TRPC3: variants seen among roughly 807,000 people sequenced by gnomAD.
TRPC3 encodes transient receptor potential cation channel subfamily C member 3, also known as short transient receptor potential channel 3.
In TRPC3, 54 loss-of-function variants were observed where a neutral mutation model predicts 90.9. The observed-to-expected ratio is 0.59, with a 90% confidence interval of 0.48 to 0.75. The LOEUF is 0.75. TRPC3 is among the 30% of genes least tolerant of loss of function. TRPC3 has a pLI of 0.00. For synonymous variants in TRPC3, 424 were observed against 450.9 expected (o/e 0.94, Z 0.75); for missense variants, 918 against 1,194.5 (o/e 0.77, Z 3.41).
chr4:121,879,620 C>T lies in TRPC3; in HGVS notation c.*116G>A. ...TTAAGAGCTAACTTTTAAAGGTTCA[C>T]ATGATAAAGGTAGTTAATACTAAAA... is the stretch of plus-strand genomic sequence containing the variant. On this transcript the variant is annotated 3_prime_UTR_variant, in exon 12 of 12. Transcript: ENST00000379645. 8.9e-7 allele frequency: 1 copy of T among 1,120,456 alleles called. No homozygotes were observed. The highest frequency in any genetic ancestry group is 1.6e-5 in the South Asian group (1 of 63,890). The allele number at this position is 1,120,456 out of a possible 1,614,324, so 69.4% of individuals were successfully genotyped here.
At chr4:121,889,299 C>T (rs1728237553) in intron 10 of TRPC3, among the ~76,000 whole-genome samples, 2 of 152,124 alleles carry the variant, frequency 1.3e-5, no homozygotes, top group South Asian at 2.1e-4. Flanking sequence ...AATGGGATTA[C>T]ATCAAGCATA....
At chr4:121,909,250 C>T (rs142676198) in intron 6 of TRPC3, among the ~76,000 whole-genome samples, 178 of 152,112 alleles carry the variant, frequency 1.2e-3, no homozygotes, top group African/African-American at 4.1e-3. Context: ...TATTTTGGAG[C>T]GGAAGTCCAG....
At chr4:121,948,769 T>G (rs1158387043) in intron 1 of TRPC3, among the ~76,000 whole-genome samples, 1 of 152,160 alleles carries the variant, frequency 6.6e-6, no homozygotes, top group Non-Finnish European at 1.5e-5. Flanking sequence ...CCCATAAAGG[T>G]TTCCTTGATT....
In TRPC3 at chr4:121,951,633, G is replaced by A. The variant is rs1429261607; in HGVS notation, c.48C>T (p.Phe16=). Residue 16 remains phenylalanine, a synonymous_variant, in exon 1 of 12, where the codon TTC becomes TTT. Transcript: ENST00000379645. This position sits in a 1 kb window ranked among gnomAD's most constrained non-coding sequence, Gnocchi z 4.4. ...RKCKEQARVT[F]PAPEEEEDEG... ...CGTCTTCCTCCTCCTCCGGCGCCGG[G>A]AAGGTCACCCTTGCTTGTTCTTTGC... The A allele has an allele frequency of 6.3e-6, 9 of 1,427,756 alleles. No homozygotes were observed. Among genetic ancestry groups the A allele is most frequent in the Non-Finnish European group, 8.3e-6 (9 of 1,082,570 alleles). The allele number at this position is 1,427,756 out of a possible 1,614,324, so 88.4% of individuals were successfully genotyped here.
At chr4:121,912,541 G>A (rs1436323914) in intron 4 of TRPC3, among the ~76,000 whole-genome samples, 1 of 152,028 alleles carries the variant, frequency 6.6e-6, no homozygotes, top group African/African-American at 2.4e-5. Context: ...ACCCTTTGAA[G>A]ATTAAAAAAA....
chr4:121,889,438 G>C (rs910186256), intron 10 of TRPC3, among the ~76,000 whole-genome samples: 1 of 152,114 alleles, frequency 6.6e-6, no homozygotes, highest in African/African-American at 2.4e-5. Context: ...TTTGTCAAAA[G>C]AAGACATACA....
At chr4:121,925,674 A>G in intron 2 of TRPC3, among the ~76,000 whole-genome samples, 1 of 152,208 alleles carries the variant, frequency 6.6e-6, no homozygotes, top group Non-Finnish European at 1.5e-5. Flanking sequence ...TTCAAAATTG[A>G]TGAGTAAATT....
chr4:121,897,386 T>C (rs1560691144), intron 10 of TRPC3, among the ~76,000 whole-genome samples: 3 of 135,770 alleles, frequency 2.2e-5, no homozygotes. Context: ...GAGAAAATAT[T>C]TGCAAATTGC....
rs145574081 is a variant in TRPC3 at position 121,901,720 on chromosome 4, C to T, written c.2463+1132G>A. On this transcript the variant is annotated intron_variant, in intron 9 of 11. Transcript: ENST00000379645. ...GTCTACAATTCGTGGACAATTAAGGCTCAGAGTAGTGAAGTGATTTATCCA... is the reference window on the plus strand; with the variant it reads ...GTCTACAATTCGTGGACAATTAAGGTTCAGAGTAGTGAAGTGATTTATCCA... Among the ~76,000 whole-genome samples the T allele has an allele frequency of 5.3e-5, 8 of 152,280 alleles. No homozygotes were observed. In the East Asian group the frequency reaches 1.5e-3, roughly 29 times the overall value.
At chr4:121,944,488 T>G (rs1450521902) in intron 1 of TRPC3, among the ~76,000 whole-genome samples, 1 of 146,140 alleles carries the variant, frequency 6.8e-6, no homozygotes, top group East Asian at 1.9e-4. Context: ...TAATAACAAC[T>G]TTAAGAGAAA....
At chr4:121,933,090 C>G in intron 1 of TRPC3, 48 bp from the exon 2 acceptor site, 1 of 1,513,688 alleles carries the variant, frequency 6.6e-7, no homozygotes, top group Admixed American at 2.2e-5. Flanking sequence ...AGGGCACATT[C>G]CTTCCTTTCA....
At chr4:121,945,147 T>C (rs982387761) in intron 1 of TRPC3, among the ~76,000 whole-genome samples, 1 of 152,210 alleles carries the variant, frequency 6.6e-6, no homozygotes. Context: ...ACAGTGTAAG[T>C]TACTATCTAC....
chr4:121,898,218 G>C (rs1029217415), intron 10 of TRPC3, among the ~76,000 whole-genome samples: 2 of 152,074 alleles, frequency 1.3e-5, no homozygotes, highest in Non-Finnish European at 2.9e-5. Context: ...ATTACCGCTA[G>C]ATAGGAGGAA....
intron 10 of TRPC3, among the ~76,000 whole-genome samples, chr4:121,897,798 C>T (rs529289892): frequency 2.4e-4 from 36 of 152,180 alleles, no homozygotes; most frequent in South Asian, 4.1e-4. Flanking sequence ...AACCCCACTA[C>T]GGGAATTTAT....
rs186390029 is a variant in TRPC3, at chr4:121,926,532, G to A, written c.988-1326C>T. Among the ~76,000 whole-genome samples, 16 of 151,502 alleles carry A rather than the reference G, an allele frequency of 1.1e-4. No homozygotes were observed. The South Asian group carries it at 1.5e-3, about 14-fold the overall frequency. ...AGCAATTCTCCTACCTCAGCCTCCC[G>A]AGTAGCTGGGATTATAGGCATGTGC... On this transcript the variant is annotated intron_variant, in intron 2 of 11. Transcript: ENST00000379645.
At position 121,951,567 on chromosome 4, in the gene TRPC3, C is replaced by T. The variant is rs1730758030; in HGVS notation, c.114G>A (p.Arg38=). 1 of 1,446,530 alleles carries T rather than the reference C, an allele frequency of 6.9e-7. No homozygotes were observed. Among genetic ancestry groups the T allele is most frequent in the Non-Finnish European group, 9.1e-7 (1 of 1,095,930 alleles). The allele number at this position is 1,446,530 out of a possible 1,614,324, so 89.6% of individuals were successfully genotyped here. ...GCCCCCCGTTGACGCCCCTCCAGCC[C>T]CGGCGGCGGCGCTGCGGCTCCGCGC... is the stretch of plus-strand genomic sequence containing the variant. The part of the protein sequence containing the change: ...DEGAEPQRRR[R]GWRGVNGGLE... The change falls in exon 1 of 12, where the codon CGG becomes CGA. Residue 38 remains arginine (R), a synonymous_variant. Transcript: ENST00000379645. This position sits in a 1 kb window ranked among gnomAD's most constrained non-coding sequence, Gnocchi z 4.4.
chr4:121,938,291 A>G (rs1730198204), intron 1 of TRPC3, among the ~76,000 whole-genome samples: 1 of 152,184 alleles, frequency 6.6e-6, no homozygotes, highest in Non-Finnish European at 1.5e-5. Context: ...CTTCTTCCTT[A>G]AAGCAGCTCC....
At chr4:121,896,501 C>T (rs1728520142) in intron 10 of TRPC3, among the ~76,000 whole-genome samples, 1 of 152,030 alleles carries the variant, frequency 6.6e-6, no homozygotes, top group Non-Finnish European at 1.5e-5. Flanking sequence ...AAATCAGTTG[C>T]ATTTCTATAC....
chr4:121,917,370 T>C (rs1400785746), intron 3 of TRPC3, among the ~76,000 whole-genome samples: 1 of 152,216 alleles, frequency 6.6e-6, no homozygotes, highest in Non-Finnish European at 1.5e-5. Flanking sequence ...CTGTACTATA[T>C]TTAGATCATT....
Sources: allele counts gnomAD v4.1 joint callset (sites outside exome capture counted in the v4.1 genomes callset), GRCh38; gene constraint gnomAD v4.1.1; non-coding constraint Gnocchi (gnomAD v3.1); transcripts MANE v1.5; gene names NCBI Gene and HGNC (gene_info 2026-07-23, HGNC 2026-07-21).